The following RAE1 variants were observed in gnomAD, a reference collection of about 807,000 sequenced individuals.
The protein encoded by RAE1 is ribonucleic acid export 1.
RAE1 carries 13 observed loss-of-function variants against 52.7 expected under a neutral mutation model. That is an observed-to-expected ratio of 0.25 (90% CI 0.16 to 0.39). The LOEUF is 0.39. RAE1 is among the 10% of genes least tolerant of loss of function. RAE1 has a pLI of 1.00. For missense variants in RAE1, 262 were observed against 459.8 expected (o/e 0.57, Z 3.93); for synonymous variants, 164 against 153.1 (o/e 1.07, Z -0.52).
At chr20:57,356,983 C>T (rs2066798221) in intron 4 of RAE1, among the ~76,000 whole-genome samples, 1 of 152,204 alleles carries the variant, frequency 6.6e-6, no homozygotes, top group Non-Finnish European at 1.5e-5. Context: ...CCTCCCTTCT[C>T]CTGCCATTGC....
At chr20:57,357,826 C>T (rs1231751819) in intron 4 of RAE1, 1 of 149,840 alleles carries the variant, frequency 6.7e-6, no homozygotes, top group African/African-American at 2.6e-5. Context: ...GGGGATAAAT[C>T]ATATTATGGC....
intron 11 of RAE1, among the ~76,000 whole-genome samples, chr20:57,377,423 C>T (rs2067131805): frequency 1.3e-5 from 2 of 152,228 alleles, no homozygotes; most frequent in African/African-American, 4.8e-5. Flanking sequence ...CTCCCTCTGC[C>T]ATTCACAGCC....
In RAE1 at chr20:57,378,335, A is replaced by G; in HGVS notation, c.*236A>G. 2.1e-6 allele frequency: 1 copy of G among 468,086 alleles called. No homozygotes were observed. Among genetic ancestry groups the G allele is most frequent in the Admixed American group, 3.6e-5 (1 of 27,716 alleles). The allele number at this position is 468,086 out of a possible 1,614,324, so 29.0% of individuals were successfully genotyped here. A position where few individuals can be genotyped will look rare whatever the true frequency, so the allele number is the denominator to read the frequency against. ...TAACTAAGGGGGTTGAGGTTATTGT[A>G]GACGTTAGATTGCGGGCACCGCCAG... On this transcript the variant is annotated 3_prime_UTR_variant, in exon 12 of 12. Transcript: ENST00000395841.
At chr20:57,365,516 T>G in intron 5 of RAE1, 74 bp downstream of exon 5, 1 of 1,010,338 alleles carries the variant, frequency 9.9e-7, no homozygotes. Context: ...AGTGAAATAA[T>G]TATTATAATT....
Position 57,359,066 on chromosome 20 carries a change from A to G in RAE1, c.288+2528A>G, listed in dbSNP as rs2066848150. The G allele has an allele frequency of 2.0e-6, 3 of 1,473,332 alleles. No individual in the cohort carries two copies. The South Asian group carries it at 4.1e-5, about 20-fold the overall frequency. The allele number at this position is 1,473,332 out of a possible 1,614,324, so 91.3% of individuals were successfully genotyped here. A position where few individuals can be genotyped will look rare whatever the true frequency, so the allele number is the denominator to read the frequency against. ...CATTCAAGTCCCTATTTAGAGAACA[A>G]GTGATTATGCTACCTTCGCACGGTC... On this transcript the variant is annotated intron_variant, in intron 4 of 11. Coordinates refer to ENST00000395841, the MANE Select transcript of RAE1 (RefSeq NM_003610.4).
Position 57,358,560 on chromosome 20 carries a change from G to A in RAE1, c.288+2022G>A, listed in dbSNP as rs548084803. On this transcript the variant is annotated intron_variant, in intron 4 of 11. Transcript: ENST00000395841. ...TATTTCTCTTGTCCTTTCGTAGTAG[G>A]AGGAATGTTAAGTAGGTAGAAACCG... 397 of 155,222 alleles carry A rather than the reference G, an allele frequency of 2.6e-3. 1 individual carries two copies. The highest frequency in any genetic ancestry group is 9.1e-3 in the African/African-American group (378 of 41,674). 9.6% of individuals were successfully genotyped at this position (155,222 alleles called of 1,614,324 possible).
rs975856904 is a variant in RAE1, at chr20:57,370,450, G to A, written c.642+1638G>A. Among the ~76,000 whole-genome samples, 4 of 152,084 alleles carry A rather than the reference G, an allele frequency of 2.6e-5. No homozygotes were observed. In the South Asian group the frequency reaches 8.3e-4, roughly 32 times the overall value. On this transcript the variant is annotated intron_variant, in intron 8 of 11. Coordinates refer to ENST00000395841, the MANE Select transcript of RAE1 (RefSeq NM_003610.4). ...GGTTCCACAGACATCTCCCTAAGCC[G>A]CTGCCTCCTCCACCCAAGCACAACT...
chr20:57,365,332 A>G, intron 4 of RAE1, 24 bp from the exon 5 acceptor site: 1 of 1,566,484 alleles, frequency 6.4e-7, no homozygotes, highest in Non-Finnish European at 8.7e-7. Context: ...CTTAAAATGC[A>G]AAATTTTCTC....
chr20:57,357,941 G>T (rs1395037271), intron 4 of RAE1: 7 of 152,208 alleles, frequency 4.6e-5, no homozygotes, highest in Non-Finnish European at 7.3e-5. Context: ...AATAGCTAGG[G>T]TGACTTCATA....
At chr20:57,363,370 G>A (rs2066914589) in intron 4 of RAE1, among the ~76,000 whole-genome samples, 3 of 152,116 alleles carry the variant, frequency 2.0e-5, no homozygotes, top group African/African-American at 2.4e-5. Flanking sequence ...AAAATTAGCC[G>A]GGTTTGGTGG....
At chr20:57,371,823 A>G (rs2067039734) in intron 8 of RAE1, 1 of 152,268 alleles carries the variant, frequency 6.6e-6, no homozygotes, top group Non-Finnish European at 1.5e-5. Flanking sequence ...GTATACCTGC[A>G]GTAGGATGCT....
intron 10 of RAE1, 138 bp from the exon 11 acceptor site, chr20:57,374,463 GTTTCTC>G: frequency 1.2e-6 from 1 of 803,030 alleles, no homozygotes; most frequent in Non-Finnish European, 2.0e-6. Context: ...AGCCTGGATA[GTTTCTC>G]TTGCTATCAG....
intron 4 of RAE1, among the ~76,000 whole-genome samples, chr20:57,361,733 G>A (rs1434096843): frequency 1.3e-5 from 2 of 152,220 alleles, no homozygotes; most frequent in Non-Finnish European, 2.9e-5. Context: ...ATGCATGACA[G>A]TGCTCCCGTG....
At chr20:57,374,564 G>A (rs113848106) in intron 10 of RAE1, 43 bp from the exon 11 acceptor site, 54 of 1,554,894 alleles carry the variant, frequency 3.5e-5, no homozygotes, top group African/African-American at 2.9e-4. Context: ...CCTTCTCTGC[G>A]CCCCTCTGCC....
intron 8 of RAE1, among the ~76,000 whole-genome samples, chr20:57,369,465 T>C (rs377746912): frequency 2.6e-5 from 4 of 152,264 alleles, no homozygotes; most frequent in Admixed American, 2.6e-4. Context: ...AAAGCCTGGC[T>C]GCATCAATGC....
intron 4 of RAE1, chr20:57,359,277 T>C (rs563685323): frequency 5.1e-5 from 16 of 312,940 alleles, no homozygotes; most frequent in African/African-American, 3.4e-4. Flanking sequence ...GTGTTTATTA[T>C]ATCATTTATT....
chr20:57,356,095 G>A (rs973705897), intron 3 of RAE1, among the ~76,000 whole-genome samples: 2 of 152,096 alleles, frequency 1.3e-5, no homozygotes, highest in African/African-American at 4.8e-5. Context: ...TTAACGGAGG[G>A]GAGATTATAT....
chr20:57,356,381 A>C, intron 3 of RAE1, 65 bp from the exon 4 acceptor site: 1 of 1,285,232 alleles, frequency 7.8e-7, no homozygotes, highest in East Asian at 2.5e-5. Context: ...ATTAGTTTTT[A>C]GGTGTTAAAT....
At chr20:57,355,107 C>T (rs2066765498) in intron 3 of RAE1, among the ~76,000 whole-genome samples, 1 of 152,182 alleles carries the variant, frequency 6.6e-6, no homozygotes, top group African/African-American at 2.4e-5. Context: ...GAACATTATA[C>T]CCAGTGGCAC....
Sources: gnomAD v4.1 joint callset for allele counts (sites outside exome capture counted in the v4.1 genomes callset) on GRCh38, gnomAD v4.1.1 for gene constraint, MANE v1.5 for transcripts, NCBI Gene and HGNC (gene_info 2026-07-23, HGNC 2026-07-21) for gene names.